The following SLC9A3 variants were observed in gnomAD, a reference collection of about 807,000 sequenced individuals.
SLC9A3 encodes the protein sodium/hydrogen exchanger 3.
In SLC9A3, 37 loss-of-function variants were observed where a neutral mutation model predicts 86.8. The ratio of observed to expected loss-of-function variants is 0.43; its 90% CI spans 0.33 to 0.56. The LOEUF (loss-of-function observed/expected upper bound fraction) is 0.56. SLC9A3 is among the 20% of genes least tolerant of loss of function. The probability of loss-of-function intolerance (pLI) is 0.06; values close to 1 mark genes in which losing one functional copy is unlikely to be tolerated. For synonymous variants in SLC9A3, 581 were observed against 528.3 expected, an observed-to-expected ratio of 1.10 and a Z score of -1.37; for missense variants, 1,011 against 1,171.9, an observed-to-expected ratio of 0.86 and a Z score of 2.00.
rs1218488698 is a variant in SLC9A3, at chr5:485,208, A to C, written c.699T>G (p.Ser233=). 1 of 1,613,808 alleles carries C rather than the reference A, an allele frequency of 6.2e-7. No individual in the cohort carries two copies. Among genetic ancestry groups the C allele is most frequent in the Non-Finnish European group, 8.5e-7 (1 of 1,180,008 alleles). Residue 233 remains serine, a synonymous_variant, in exon 4 of 17, where the codon TCT becomes TCG. Coordinates refer to ENST00000264938, the MANE Select transcript of SLC9A3 (RefSeq NM_004174.4). ...CGTTGTCACCTCCCAGCGCCACGAAAGATTCAAACACATTGTACAGAACCT... is the reference window on the plus strand; with the variant it reads ...CGTTGTCACCTCCCAGCGCCACGAACGATTCAAACACATTGTACAGAACCT... The part of the protein sequence containing the change: ...VTVVLYNVFE[S]FVALGGDNVT...
intron 15 of SLC9A3, 190 bp from the exon 16 acceptor site, chr5:475,322 A>G (rs1738652742): frequency 1.6e-6 from 1 of 639,978 alleles, no homozygotes; most frequent in Non-Finnish European, 2.7e-6. Context: ...CAGCACAGGT[A>G]ACGTCTCGCT....
chr5:516,804 T>A (rs879821872), intron 1 of SLC9A3, among the ~76,000 whole-genome samples: 1 of 152,206 alleles, frequency 6.6e-6, no homozygotes, highest in Non-Finnish European at 1.5e-5. Context: ...GCAGGTTAAG[T>A]CTGCCACTCC....
chr5:473,461 TCC>T, intron 16 of SLC9A3, 79 bp from the exon 17 acceptor site: 1 of 1,204,350 alleles, frequency 8.3e-7, no homozygotes, highest in South Asian at 3.0e-5. Context: ...GCCTCAGCTG[TCC>T]CCGAGCCCGG....
intron 4 of SLC9A3, 27 bp from the exon 5 acceptor site, chr5:484,724 G>T: frequency 6.2e-7 from 1 of 1,608,570 alleles, no homozygotes; most frequent in Non-Finnish European, 8.5e-7. Flanking sequence ...CTTTGTGGCC[G>T]TGCCGGCCTT....
intron 1 of SLC9A3, among the ~76,000 whole-genome samples, chr5:504,829 C>T (rs1450937705): frequency 6.6e-6 from 1 of 152,068 alleles, no homozygotes; most frequent in Non-Finnish European, 1.5e-5. Context: ...AAGGGGAGGG[C>T]AGGGGTGCGG....
chr5:479,263 A>G (rs952424685), intron 10 of SLC9A3: 1 of 154,970 alleles, frequency 6.5e-6, no homozygotes, highest in Admixed American at 6.3e-5. Flanking sequence ...CCCACCTGCC[A>G]TAGTGGGCAG....
At chr5:479,785 G>C in intron 10 of SLC9A3, 51 bp downstream of exon 10, 4 of 1,602,158 alleles carry the variant, frequency 2.5e-6, no homozygotes, top group Non-Finnish European at 2.6e-6. Flanking sequence ...CCCACAGCCA[G>C]TGCCAGAGCC....
intron 1 of SLC9A3, among the ~76,000 whole-genome samples, chr5:502,805 C>T (rs1319377512): frequency 3.3e-5 from 5 of 150,652 alleles, no homozygotes; most frequent in Non-Finnish European, 7.4e-5. Context: ...GGCCGAAAGC[C>T]GCTGTAACGA....
At chr5:480,410 T>G in intron 9 of SLC9A3, 1 of 157,314 alleles carries the variant, frequency 6.4e-6, no homozygotes, top group South Asian at 1.9e-4. Context: ...GAAGGGACGG[T>G]GGCCTGGCCG....
intron 1 of SLC9A3, among the ~76,000 whole-genome samples, chr5:523,071 C>T (rs1312566307): frequency 5.3e-5 from 8 of 152,150 alleles, no homozygotes; most frequent in Non-Finnish European, 7.4e-5. Context: ...GGCGGGAGGG[C>T]TCAGAAGAGC....
At chr5:499,730 G>A (rs933169606) in intron 1 of SLC9A3, among the ~76,000 whole-genome samples, 5 of 152,210 alleles carry the variant, frequency 3.3e-5, no homozygotes, top group Non-Finnish European at 5.9e-5. Context: ...GCTCTAGAAC[G>A]GGAGGGAGGT....
chr5:475,341 G>A (rs952475367), intron 15 of SLC9A3: 1 of 627,896 alleles, frequency 1.6e-6, no homozygotes, highest in Non-Finnish European at 2.8e-6. Flanking sequence ...CTTCCCTCAA[G>A]ACATACCCCA....
At chr5:500,359 G>A (rs934096540) in intron 1 of SLC9A3, among the ~76,000 whole-genome samples, 1 of 152,236 alleles carries the variant, frequency 6.6e-6, no homozygotes, top group Non-Finnish European at 1.5e-5. Context: ...CACGGCATGC[G>A]ACTGGCGTGG....
At position 471,899 on chromosome 5, in the gene SLC9A3, G is replaced by A; in HGVS notation, c.*1480C>T. On this transcript the variant is annotated 3_prime_UTR_variant, in exon 17 of 17. Transcript: ENST00000264938. ...ACCAGGGACTCAATGGGGACTCAAT[G>A]TGCAATATTCAGTCAACATAAAACT... is the stretch of plus-strand genomic sequence containing the variant. The A allele has an allele frequency of 2.2e-6, 1 of 456,662 alleles. No homozygotes were observed. The highest frequency in any genetic ancestry group is 4.4e-6 in the Non-Finnish European group (1 of 226,970). The allele number at this position is 456,662 out of a possible 1,614,324, so 28.3% of individuals were successfully genotyped here. A position where few individuals can be genotyped will look rare whatever the true frequency, so the allele number is the denominator to read the frequency against.
At chr5:487,045 G>A (rs112610165) in intron 3 of SLC9A3, among the ~76,000 whole-genome samples, 285 of 1,908 alleles carry the variant, frequency 0.15, no homozygotes, top group Admixed American at 0.17. Context: ...GACACCCACC[G>A]CACTGACACC....
intron 3 of SLC9A3, among the ~76,000 whole-genome samples, chr5:485,788 G>A (rs1276471391): frequency 6.6e-6 from 1 of 152,256 alleles, no homozygotes; most frequent in East Asian, 1.9e-4. Flanking sequence ...TGTGTCTCTG[G>A]CTCTGGCCAA....
Position 482,040 on chromosome 5 carries a change from C to CT in SLC9A3, c.1446+27_1446+28insA, listed in dbSNP as rs753174589. 3.6e-5 allele frequency: 18 copies of CT among 503,710 alleles called. 4 individuals are homozygous for CT. The African/African-American group carries it at 3.7e-4, about 10-fold the overall frequency. The allele number at this position is 503,710 out of a possible 1,614,324, so 31.2% of individuals were successfully genotyped here. A position where few individuals can be genotyped will look rare whatever the true frequency, so the allele number is the denominator to read the frequency against. ...CAGCCCCGAGGAACACGCAGTGCCC[C>CT]CCCCCCGCCCCCCAGCCCCGCACTT... On this transcript the variant is annotated intron_variant, in intron 8 of 16. Transcript: ENST00000264938.
At chr5:503,418 G>A (rs1456669149) in intron 1 of SLC9A3, among the ~76,000 whole-genome samples, 2 of 152,184 alleles carry the variant, frequency 1.3e-5, no homozygotes, top group Non-Finnish European at 2.9e-5. Context: ...TGTGCCCATA[G>A]TCCCAGCTAC....
intron 1 of SLC9A3, among the ~76,000 whole-genome samples, chr5:501,356 G>A (rs1740269117): frequency 6.6e-6 from 1 of 152,192 alleles, no homozygotes; most frequent in South Asian, 2.1e-4. Context: ...ATGCAACAGC[G>A]CAGTCAATCC....
Sources: allele counts gnomAD v4.1 joint callset (sites outside exome capture counted in the v4.1 genomes callset), GRCh38; gene constraint gnomAD v4.1.1; transcripts MANE v1.5; gene names NCBI Gene and HGNC (gene_info 2026-07-23, HGNC 2026-07-21).